RGR: variants seen among roughly 807,000 people sequenced by gnomAD.
RGR encodes retinal G protein coupled receptor.
RGR carries 30 observed loss-of-function variants against 28.6 expected under a neutral mutation model. The observed-to-expected ratio is 1.05, with a 90% confidence interval of 0.78 to 1.42. RGR has a LOEUF of 1.42. Ranked by LOEUF, RGR falls within the 40% of genes most tolerant of loss-of-function variation. RGR has a pLI of 0.00. For synonymous variants in RGR, 180 were observed against 156.4 expected (o/e 1.15, Z -1.13); for missense variants, 404 against 375.6 (o/e 1.08, Z -0.62).
At chr10:84,256,059 CTTTTTTTTTTTTTTT>C (rs61441525) in intron 5 of RGR, among the ~76,000 whole-genome samples, 5 of 54,358 alleles carry the variant, frequency 9.2e-5, no homozygotes, top group Middle Eastern at 0.022. Context: ...TTTTTCCTTT[CTTTTTTTTTTTTTTT>C]TTTTTTTTTT....
chr10:84,249,972 G>A (rs1386424881), intron 3 of RGR, among the ~76,000 whole-genome samples: 1 of 152,078 alleles, frequency 6.6e-6, no homozygotes, highest in Non-Finnish European at 1.5e-5. Flanking sequence ...CAGGTTTAAT[G>A]TTCTTATAAT....
chr10:84,252,120 A>AC (rs572460386), intron 3 of RGR, among the ~76,000 whole-genome samples: 111 of 152,274 alleles, frequency 7.3e-4, no homozygotes, highest in African/African-American at 2.6e-3. Flanking sequence ...TGCAGCAGAG[A>AC]GGGGGGCTTC....
chr10:84,247,178 T>C (rs1033477913), intron 1 of RGR, among the ~76,000 whole-genome samples: 9 of 152,162 alleles, frequency 5.9e-5, no homozygotes, highest in African/African-American at 2.2e-4. Context: ...TAACATCGAC[T>C]CTTCTCCTTG....
chr10:84,247,911 G>A, intron 2 of RGR, 164 bp downstream of exon 2: 3 of 991,770 alleles, frequency 3.0e-6, no homozygotes, highest in Non-Finnish European at 4.6e-6. Flanking sequence ...TGATTCTGAA[G>A]AACGACAGCT....
At chr10:84,256,277 C>T (rs1842886472) in intron 5 of RGR, among the ~76,000 whole-genome samples, 1 of 151,956 alleles carries the variant, frequency 6.6e-6, no homozygotes, top group Non-Finnish European at 1.5e-5. Flanking sequence ...TGGTCTTGAA[C>T]TCCTGACCTC....
chr10:84,253,009 A>G lies in RGR; in HGVS notation c.511A>G (p.Arg171Gly), dbSNP rs1412953127. 1.9e-6 allele frequency: 3 copies of G among 1,613,248 alleles called. No individual in the cohort carries two copies. The highest frequency in any genetic ancestry group is 1.7e-6 in the Non-Finnish European group (2 of 1,179,960). Reference sequence around the variant, plus strand: ...CACCCTGGACTACTCCAAGGGGGACAGGTGAGGTGGGAGGAGCAGCTTCGA... The same window carrying G: ...CACCCTGGACTACTCCAAGGGGGACGGGTGAGGTGGGAGGAGCAGCTTCGA... Reference protein sequence around the residue: ...CCTLDYSKGDRNFTSFLFTMS... With the variant: ...CCTLDYSKGDGNFTSFLFTMS... Residue 171 changes from arginine (R) to glycine (G), a missense_variant and splice_region_variant, in exon 4 of 7, where the codon AGA becomes GGA. By Grantham distance (125) the Arg-to-Gly change is moderately radical. Transcript: ENST00000652092.
At chr10:84,257,166 G>C (rs1842898835) in intron 5 of RGR, among the ~76,000 whole-genome samples, 1 of 152,214 alleles carries the variant, frequency 6.6e-6, no homozygotes, top group South Asian at 2.1e-4. Context: ...GCACGTCCGC[G>C]TGTTTGTGCG....
intron 5 of RGR, among the ~76,000 whole-genome samples, chr10:84,257,131 AG>A (rs1210991320): frequency 1.3e-5 from 2 of 152,246 alleles, no homozygotes; most frequent in East Asian, 3.8e-4. Flanking sequence ...GGGAGAAAAC[AG>A]GCAAGAACTT....
intron 4 of RGR, 118 bp from the exon 5 acceptor site, chr10:84,254,208 C>A: frequency 2.2e-6 from 2 of 895,674 alleles, no homozygotes; most frequent in Non-Finnish European, 3.8e-6. Context: ...ACACTGCGAG[C>A]TTGTCTGAAT....
chr10:84,245,317 C>A (rs1181719068), intron 1 of RGR, 148 bp downstream of exon 1: 4 of 702,624 alleles, frequency 5.7e-6, no homozygotes, highest in East Asian at 5.5e-5. Context: ...TGTGCCCGGA[C>A]TCGGGGGGTG....
At position 84,253,007 on chromosome 10, in the gene RGR, A is replaced by G. The variant is rs1842838880; in HGVS notation, c.509A>G (p.Asp170Gly). The G allele has an allele frequency of 7.4e-6, 12 of 1,613,100 alleles. No homozygotes were observed. Among genetic ancestry groups the G allele is most frequent in the African/African-American group, 1.3e-5 (1 of 74,866 alleles). The change falls in exon 4 of 7, where the codon GAC (aspartate) becomes GGC (glycine). Residue 170 changes from aspartate to glycine, a missense_variant. Transcript: ENST00000652092. The part of the protein sequence containing the change: ...TCCTLDYSKG[D>G]RNFTSFLFTM... ...TGCACCCTGGACTACTCCAAGGGGG[A>G]CAGGTGAGGTGGGAGGAGCAGCTTC...
At chr10:84,254,569 A>G in intron 5 of RGR, 126 bp downstream of exon 5, 1 of 854,630 alleles carries the variant, frequency 1.2e-6, no homozygotes, top group Non-Finnish European at 1.9e-6. Context: ...TTTTGCAGCA[A>G]AAGCTTATTC....
intron 3 of RGR, 63 bp from the exon 4 acceptor site, chr10:84,252,794 C>A (rs941361936): frequency 6.3e-7 from 1 of 1,599,862 alleles, no homozygotes; most frequent in Admixed American, 1.7e-5. Context: ...GAAGTCCATT[C>A]TTTCTCACTC....
chr10:84,245,113 C>T lies in RGR; in HGVS notation c.23C>T (p.Pro8Leu). 1 of 1,613,592 alleles carries T rather than the reference C, an allele frequency of 6.2e-7. No individual in the cohort carries two copies. The highest frequency in any genetic ancestry group is 1.1e-5 in the South Asian group (1 of 91,034). Reference sequence around the variant, plus strand: ...AGGATGGCAGAGACCAGTGCCCTGCCCACTGGCTTCGGGGAGCTCGAGGTG... The same window carrying T: ...AGGATGGCAGAGACCAGTGCCCTGCTCACTGGCTTCGGGGAGCTCGAGGTG... Reference protein sequence around the residue: MAETSALPTGFGELEVLA... With the variant: MAETSALLTGFGELEVLA... The change falls in exon 1 of 7, where the codon CCC becomes CTC. Residue 8 changes from proline to leucine, a missense_variant. Coordinates refer to ENST00000652092, the MANE Select transcript of RGR (RefSeq NM_001012720.2).
intron 4 of RGR, 137 bp from the exon 5 acceptor site, chr10:84,254,189 G>T: frequency 1.3e-6 from 1 of 790,710 alleles, no homozygotes; most frequent in Non-Finnish European, 2.2e-6. Flanking sequence ...CTGGGACCCG[G>T]GAGCAACCAC....
chr10:84,250,508 A>G (rs992580984), intron 3 of RGR: 6 of 683,274 alleles, frequency 8.8e-6, no homozygotes, highest in Non-Finnish European at 1.6e-5. Flanking sequence ...GCTCCCTTGG[A>G]CCATCTTATA....
chr10:84,254,466 T>C (rs749397323), intron 5 of RGR, 23 bp downstream of exon 5: 4 of 1,586,702 alleles, frequency 2.5e-6, no homozygotes, highest in Non-Finnish European at 3.5e-6. Flanking sequence ...TTCCGGAGTG[T>C]TATCTGATGG....
chr10:84,253,116 C>T (rs1298576871), intron 4 of RGR, 106 bp downstream of exon 4: 10 of 1,287,102 alleles, frequency 7.8e-6, no homozygotes, highest in South Asian at 5.6e-5. Context: ...GAAATGTCAA[C>T]GTTTGCCAGA....
rs61441525 is a variant in RGR at position 84,256,059 on chromosome 10, C to CTTTTTTTTTTT, written c.630+1635_630+1645dup. ...TCTTTGTTTCTTTTTTTTTTCCTTT[C>CTTTTTTTTTTT]TTTTTTTTTTTTTTTTTTTTTTTTT... On this transcript the variant is annotated intron_variant, in intron 5 of 6. Transcript: ENST00000652092. Among the ~76,000 whole-genome samples, 50 of 54,346 alleles carry CTTTTTTTTTTT rather than the reference C, an allele frequency of 9.2e-4. 2 individuals carry two copies. Among genetic ancestry groups the CTTTTTTTTTTT allele is most frequent in the Non-Finnish European group, 1.3e-3 (43 of 32,364 alleles). The allele number at this position is 54,346 out of a possible 152,430, so 35.7% of individuals were successfully genotyped here.
Sources: allele counts gnomAD v4.1 joint callset (sites outside exome capture counted in the v4.1 genomes callset), GRCh38; gene constraint gnomAD v4.1.1; transcripts MANE v1.5; gene names NCBI Gene and HGNC (gene_info 2026-07-23, HGNC 2026-07-21).